The following ANKDD1A variants were observed in gnomAD, a reference collection of about 807,000 sequenced individuals.
The protein encoded by ANKDD1A is ankyrin repeat and death domain-containing protein 1A.
ANKDD1A carries 59 observed loss-of-function variants against 63.5 expected under a neutral mutation model. The observed-to-expected ratio is 0.93, with a 90% confidence interval of 0.75 to 1.15. ANKDD1A has a LOEUF of 1.15. Among genes scored for constraint, ANKDD1A ranks in the 50% most tolerant of loss-of-function variants. The probability of loss-of-function intolerance (pLI) is 0.00; values close to 1 mark genes in which losing one functional copy is unlikely to be tolerated. For synonymous variants in ANKDD1A, 266 were observed against 263.9 expected (o/e 1.01, Z -0.08); for missense variants, 632 against 656.4 (o/e 0.96, Z 0.41).
chr15:64,943,509 C>T lies in ANKDD1A; in HGVS notation c.992C>T (p.Ala331Val). 6.2e-7 allele frequency: 1 copy of T among 1,614,230 alleles called. No homozygotes were observed. The highest frequency in any genetic ancestry group is 8.5e-7 in the Non-Finnish European group (1 of 1,180,052). The change falls in exon 11 of 15, where the codon GCT becomes GTT. Residue 331 changes from alanine (A) to valine (V), a missense_variant. Physicochemically the swap from Ala to Val is moderately conservative, Grantham distance 64. Coordinates refer to ENST00000319580, the MANE Select transcript of ANKDD1A (RefSeq NM_182703.6). ...DNRQQTPLHLAAEHAWQDIAD... is the reference protein window; with the variant it reads ...DNRQQTPLHLVAEHAWQDIAD... ...AGGCAGCAGACGCCCCTTCACCTGG[C>T]TGCAGAGCACGCCTGGCAGGACATA...
chr15:64,948,880 T>C (rs2140383269), intron 13 of ANKDD1A, among the ~76,000 whole-genome samples: 1 of 151,954 alleles, frequency 6.6e-6, no homozygotes, highest in South Asian at 2.1e-4. Flanking sequence ...GACATTTGCA[T>C]ATCAATTTGG....
At position 64,953,628 on chromosome 15, in the gene ANKDD1A, T is replaced by TTCCTTCTTTC. The variant is rs1566917714; in HGVS notation, c.1484-3467_1484-3466insTCTCCTTCTT. On this transcript the variant is annotated intron_variant, in intron 14 of 14. Coordinates refer to ENST00000319580, the MANE Select transcript of ANKDD1A (RefSeq NM_182703.6). ...CTTTCTTCTCTCCTTCTTCTTCTTCTTCCTTCTTCTTCCTCTTCCTTCTCC... is the reference window on the plus strand; with the variant it reads ...CTTTCTTCTCTCCTTCTTCTTCTTCTTCCTTCTTTCTCCTTCTTCTTCCTCTTCCTTCTCC... 2.0e-3 allele frequency among the ~76,000 whole-genome samples: 255 copies of TTCCTTCTTTC among 125,668 alleles called. 1 individual carries two copies. Among genetic ancestry groups the TTCCTTCTTTC allele is most frequent in the South Asian group, 2.9e-3 (10 of 3,502 alleles). The allele number at this position is 125,668 out of a possible 152,430, so 82.4% of individuals were successfully genotyped here. A position where few individuals can be genotyped will look rare whatever the true frequency, so the allele number is the denominator to read the frequency against.
intron 12 of ANKDD1A, among the ~76,000 whole-genome samples, chr15:64,945,362 T>C (rs116182962): frequency 0.021 from 3,237 of 152,110 alleles, 61 homozygotes; most frequent in African/African-American, 0.053. Flanking sequence ...TACTTTATGA[T>C]GGCACAAAAG....
At chr15:64,950,992 C>T in intron 14 of ANKDD1A, 1 of 1,271,508 alleles carries the variant, frequency 7.9e-7, no homozygotes. Flanking sequence ...CCCGAGTGCC[C>T]CCAGGAGGTG....
At chr15:64,916,818 TGGGCACAGG>T (rs1000850174) in intron 2 of ANKDD1A, among the ~76,000 whole-genome samples, 2 of 152,066 alleles carry the variant, frequency 1.3e-5, no homozygotes, top group Admixed American at 1.3e-4. Context: ...AGGGGAGAAG[TGGGCACAGG>T]GGCCACAGGC....
chr15:64,944,596 C>A, intron 11 of ANKDD1A, 56 bp from the exon 12 acceptor site: 2 of 1,534,522 alleles, frequency 1.3e-6, no homozygotes, highest in East Asian at 2.3e-5. Flanking sequence ...TGCTAGAAAC[C>A]CTTGTGTACC....
At chr15:64,954,633 T>TTC (rs2085392602) in intron 14 of ANKDD1A, among the ~76,000 whole-genome samples, 1 of 142,846 alleles carries the variant, frequency 7.0e-6, no homozygotes, top group Non-Finnish European at 1.5e-5. Flanking sequence ...TCTTCTTCCT[T>TTC]TTCTTCTTCC....
intron 4 of ANKDD1A, 21 bp from the exon 5 acceptor site, chr15:64,926,045 C>T: frequency 1.9e-6 from 3 of 1,601,740 alleles, no homozygotes; most frequent in South Asian, 2.2e-5. Flanking sequence ...ACTGCAGGAA[C>T]CCTCCTGCAC....
chr15:64,942,158 A>G (rs2085189126), intron 9 of ANKDD1A, among the ~76,000 whole-genome samples: 1 of 152,176 alleles, frequency 6.6e-6, no homozygotes, highest in African/African-American at 2.4e-5. Flanking sequence ...ACCATGGCAA[A>G]CATCACTTGC....
chr15:64,954,262 CT>C (rs747080145), intron 14 of ANKDD1A, among the ~76,000 whole-genome samples: 1 of 144,000 alleles, frequency 6.9e-6, no homozygotes, highest in Non-Finnish European at 1.5e-5. Context: ...TCTTCTTCTC[CT>C]TCTTTTCCTT....
chr15:64,926,312 T>C lies in ANKDD1A; in HGVS notation c.471+142T>C. On this transcript the variant is annotated intron_variant, in intron 5 of 14. Coordinates refer to ENST00000319580, the MANE Select transcript of ANKDD1A (RefSeq NM_182703.6). The stretch of plus-strand genomic sequence containing the variant: ...GCACCTGGCCTGGGGAGCCGCTGGT[T>C]GGGAAGAGGTGTTGAGGCGCAAATG... The C allele has an allele frequency of 9.1e-6, 7 of 771,114 alleles. No homozygotes were observed. The South Asian group carries it at 1.2e-4, about 13-fold the overall frequency. The allele number at this position is 771,114 out of a possible 1,614,324, so 47.8% of individuals were successfully genotyped here. A position where few individuals can be genotyped will look rare whatever the true frequency, so the allele number is the denominator to read the frequency against.
chr15:64,918,955 A>G (rs80277507), intron 3 of ANKDD1A, among the ~76,000 whole-genome samples: 1 of 148,994 alleles, frequency 6.7e-6, no homozygotes, highest in African/African-American at 2.4e-5. Context: ...CTCTGTCTCA[A>G]AAAAAAAAAA....
chr15:64,953,653 C>CTTTTTT (rs1369863271), intron 14 of ANKDD1A, among the ~76,000 whole-genome samples: 2 of 133,340 alleles, frequency 1.5e-5, no homozygotes, highest in African/African-American at 2.8e-5. Flanking sequence ...CTTCCTTCTC[C>CTTTTTT]TTCTTTTCTT....
chr15:64,928,126 T>C lies in ANKDD1A; in HGVS notation c.570+1127T>C, dbSNP rs375835162. Among the ~76,000 whole-genome samples, 20 of 152,330 alleles carry C rather than the reference T, an allele frequency of 1.3e-4. No homozygotes were observed. The East Asian group carries it at 2.1e-3, about 16-fold the overall frequency. Reference sequence around the variant, plus strand: ...CTGATGCCCAGAGAGGGACATGCCTTAGCCAGGGCCACACAGTGAGACACA... The same window carrying C: ...CTGATGCCCAGAGAGGGACATGCCTCAGCCAGGGCCACACAGTGAGACACA... On this transcript the variant is annotated intron_variant, in intron 6 of 14. Coordinates refer to ENST00000319580, the MANE Select transcript of ANKDD1A (RefSeq NM_182703.6).
At chr15:64,951,932 CCTTTCTTTTCTTCTTCTT>C (rs2085292360) in intron 14 of ANKDD1A, among the ~76,000 whole-genome samples, 1 of 111,934 alleles carries the variant, frequency 8.9e-6, no homozygotes, top group African/African-American at 3.2e-5. Flanking sequence ...TCCTCTTCTT[CCTTTCTTTTCTTCTTCTT>C]CTTTCCTTCT....
intron 2 of ANKDD1A, among the ~76,000 whole-genome samples, 188 bp downstream of exon 2, chr15:64,916,088 C>T (rs938384833): frequency 5.9e-5 from 9 of 152,138 alleles, no homozygotes; most frequent in Non-Finnish European, 1.2e-4. Context: ...TGGTTGGGCC[C>T]CCACCCAAGG....
chr15:64,952,740 CCTT>C (rs201260336), intron 14 of ANKDD1A, among the ~76,000 whole-genome samples: 1,366 of 111,680 alleles, frequency 0.012, 19 homozygotes, highest in African/African-American at 0.039. Context: ...CCTTCTTCCT[CCTT>C]CTTTCCTCTT....
chr15:64,952,137 C>T (rs1220152508), intron 14 of ANKDD1A, among the ~76,000 whole-genome samples: 1 of 135,302 alleles, frequency 7.4e-6, no homozygotes, highest in Non-Finnish European at 1.6e-5. Context: ...TCTTCTTCTT[C>T]CTTATTCTTC....
At chr15:64,953,361 TTTC>T (rs1353752935) in intron 14 of ANKDD1A, among the ~76,000 whole-genome samples, 8 of 146,768 alleles carry the variant, frequency 5.5e-5, no homozygotes, top group African/African-American at 1.5e-4. Context: ...TTAGTTCTTC[TTTC>T]TTCTCCTTCT....
Sources: gnomAD v4.1 joint callset for allele counts (sites outside exome capture counted in the v4.1 genomes callset) on GRCh38, gnomAD v4.1.1 for gene constraint, MANE v1.5 for transcripts, NCBI Gene and HGNC (gene_info 2026-07-23, HGNC 2026-07-21) for gene names.